CHD1: variants seen among roughly 807,000 people sequenced by gnomAD.
CHD1 encodes chromodomain helicase DNA binding protein 1.
In CHD1, 36 loss-of-function variants were observed where a neutral mutation model predicts 224.2. The ratio of observed to expected loss-of-function variants is 0.16; its 90% CI spans 0.12 to 0.21. The LOEUF (loss-of-function observed/expected upper bound fraction) is 0.21, where lower values mean the gene tolerates loss of function less well. CHD1 is among the 10% of genes least tolerant of loss of function. The probability of loss-of-function intolerance (pLI) is 1.00; values close to 1 mark genes in which losing one functional copy is unlikely to be tolerated. For missense variants in CHD1, 1,378 were observed against 1,994.8 expected, an observed-to-expected ratio of 0.69 and a Z score of 5.89; for synonymous variants, 668 against 658.3, an observed-to-expected ratio of 1.01 and a Z score of -0.23.
intron 31 of CHD1, among the ~76,000 whole-genome samples, chr5:98,863,874 G>A (rs1355218923): frequency 6.6e-6 from 1 of 151,992 alleles, no homozygotes; most frequent in African/African-American, 2.4e-5. Context: ...TTATATTGTA[G>A]CACACTATTC....
chr5:98,923,364 TTAAGA>T (rs906534485), intron 2 of CHD1, among the ~76,000 whole-genome samples: 29 of 152,238 alleles, frequency 1.9e-4, no homozygotes, highest in African/African-American at 6.0e-4. Flanking sequence ...TTGCAATTAT[TTAAGA>T]TGAGTATGCA....
intron 34 of CHD1, chr5:98,858,755 G>A (rs1354261902): frequency 9.1e-6 from 4 of 440,496 alleles, no homozygotes; most frequent in Non-Finnish European, 1.2e-5. Flanking sequence ...ATGATTAAAA[G>A]GATAATAAAC....
chr5:98,870,812 G>A lies in CHD1; in HGVS notation c.3862-9C>T. 1 of 1,573,484 alleles carries A rather than the reference G, an allele frequency of 6.4e-7. No homozygotes were observed. ...GGATCATCTGGAAGAATCTGAAAAA[G>A]CAATAAATTTTTTCAGATTGTCTTA... On this transcript the variant is annotated splice_polypyrimidine_tract_variant and intron_variant, in intron 28 of 35. Coordinates refer to ENST00000614616, the MANE Select transcript of CHD1 (RefSeq NM_001270.4).
In CHD1 at chr5:98,885,654, A is replaced by G. The variant is rs780075843; in HGVS notation, c.2497-5T>C. On this transcript the variant is annotated splice_region_variant and splice_polypyrimidine_tract_variant and intron_variant, in intron 17 of 35. Transcript: ENST00000614616. ...TTTTATTGATCCATCTAATCTCTAG[A>G]AAAAAACACATTAAAATACTGCATA... 1.3e-6 allele frequency: 2 copies of G among 1,508,320 alleles called. No homozygotes were observed. Among genetic ancestry groups the G allele is most frequent in the Admixed American group, 1.9e-5 (1 of 52,054 alleles). The allele number at this position is 1,508,320 out of a possible 1,614,324, so 93.4% of individuals were successfully genotyped here. A position where few individuals can be genotyped will look rare whatever the true frequency, so the allele number is the denominator to read the frequency against.
chr5:98,883,022 A>T, intron 19 of CHD1, 66 bp downstream of exon 19: 96 of 907,126 alleles, frequency 1.1e-4, no homozygotes, highest in Non-Finnish European at 1.4e-4. Context: ...ATAAACTGAA[A>T]TCACTTCCAA....
chr5:98,903,956 G>A, intron 3 of CHD1, 48 bp from the exon 4 acceptor site: 1 of 1,154,026 alleles, frequency 8.7e-7, no homozygotes, highest in Non-Finnish European at 1.3e-6. Flanking sequence ...TAAGAAAACT[G>A]CAAAAAAAGG....
intron 24 of CHD1, among the ~76,000 whole-genome samples, chr5:98,875,940 CCTCAT>C (rs760406254): frequency 2.6e-5 from 4 of 152,080 alleles, no homozygotes; most frequent in Non-Finnish European, 5.9e-5. Context: ...GCCAATCTTA[CCTCAT>C]CTCAATTCCT....
At chr5:98,873,225 G>A (rs1372570251) in intron 26 of CHD1, among the ~76,000 whole-genome samples, 1 of 151,994 alleles carries the variant, frequency 6.6e-6, no homozygotes, top group Non-Finnish European at 1.5e-5. Flanking sequence ...AATATCATAT[G>A]TGTATATTTG....
At chr5:98,866,164 GAGA>G (rs759056875) in intron 31 of CHD1, among the ~76,000 whole-genome samples, 1 of 151,388 alleles carries the variant, frequency 6.6e-6, no homozygotes, top group African/African-American at 2.4e-5. Context: ...TTGAAAAAGA[GAGA>G]AGAAATTCCA....
chr5:98,869,616 G>GCA (rs1491379733), intron 30 of CHD1, 138 bp downstream of exon 30: 5 of 737,854 alleles, frequency 6.8e-6, no homozygotes, highest in African/African-American at 1.1e-4. Context: ...GTGCGCACGT[G>GCA]CGCGCGCACA....
At chr5:98,868,776 T>C (rs1749097800) in intron 30 of CHD1, 141 bp from the exon 31 acceptor site, 3 of 869,902 alleles carry the variant, frequency 3.4e-6, no homozygotes, top group Admixed American at 3.3e-5. Context: ...TCTATTTTAA[T>C]TTGTTTTTTT....
At chr5:98,911,668 T>G (rs1409918219) in intron 2 of CHD1, among the ~76,000 whole-genome samples, 1 of 152,178 alleles carries the variant, frequency 6.6e-6, no homozygotes, top group Non-Finnish European at 1.5e-5. Flanking sequence ...TTAGAAGATA[T>G]ATCATTACCA....
chr5:98,859,068 A>C, intron 33 of CHD1, 53 bp from the exon 34 acceptor site: 2 of 1,347,320 alleles, frequency 1.5e-6, no homozygotes, highest in East Asian at 4.9e-5. Context: ...ACAAACTTAC[A>C]AAAAAGCACA....
At chr5:98,918,014 C>T (rs1752851233) in intron 2 of CHD1, among the ~76,000 whole-genome samples, 1 of 151,918 alleles carries the variant, frequency 6.6e-6, no homozygotes, top group South Asian at 2.1e-4. Context: ...TTCTGCTATG[C>T]TTCCTTTTTT....
At chr5:98,857,255 A>C (rs144717108) in intron 35 of CHD1, among the ~76,000 whole-genome samples, 1 of 152,158 alleles carries the variant, frequency 6.6e-6, no homozygotes. Context: ...TACTCCATAC[A>C]AACATGTGAC....
At chr5:98,906,600 G>T (rs2112558313) in intron 2 of CHD1, among the ~76,000 whole-genome samples, 1 of 152,266 alleles carries the variant, frequency 6.6e-6, no homozygotes, top group Non-Finnish European at 1.5e-5. Flanking sequence ...CCTCGAGACA[G>T]TCATATAAAT....
intron 2 of CHD1, among the ~76,000 whole-genome samples, chr5:98,912,664 C>A (rs559129635): frequency 6.6e-6 from 1 of 152,206 alleles, no homozygotes; most frequent in Non-Finnish European, 1.5e-5. Flanking sequence ...AGGCAAGACT[C>A]TGTCTCAAAA....
At position 98,899,097 on chromosome 5, in the gene CHD1, C is replaced by G. The variant is rs981032560; in HGVS notation, c.1086-333G>C. On this transcript the variant is annotated intron_variant, in intron 8 of 35. Coordinates refer to ENST00000614616, the MANE Select transcript of CHD1 (RefSeq NM_001270.4). ...GAGGATCCTCTACAGATACCAGAAT[C>G]TGAGGATGCTCAAGTCCCTTATATG... 3.3e-5 allele frequency among the ~76,000 whole-genome samples: 5 copies of G among 152,278 alleles called. No homozygotes were observed. In the East Asian group the frequency reaches 7.7e-4, roughly 23 times the overall value.
At chr5:98,876,996 T>C (rs905504319) in intron 23 of CHD1, among the ~76,000 whole-genome samples, 81 of 152,186 alleles carry the variant, frequency 5.3e-4, no homozygotes, top group Non-Finnish European at 7.3e-5. Context: ...TAGTGAGACC[T>C]TGTCTCTACC....
Sources: allele counts gnomAD v4.1 joint callset (sites outside exome capture counted in the v4.1 genomes callset), GRCh38; gene constraint gnomAD v4.1.1; transcripts MANE v1.5; gene names NCBI Gene and HGNC (gene_info 2026-07-23, HGNC 2026-07-21).